Variants in TUSC3 observed in about 807,000 individuals in gnomAD.
TUSC3 encodes tumor suppressor candidate 3.
Under a neutral mutation model 44.8 loss-of-function variants are expected in TUSC3, and 45 were observed. The ratio of observed to expected loss-of-function variants is 1.00; its 90% confidence interval spans 0.79 to 1.29. The LOEUF is 1.29. TUSC3 is among the 50% of genes most tolerant of loss of function. The pLI is 0.00. For synonymous variants in TUSC3, 212 were observed against 152.9 expected (o/e 1.39, Z -2.85); for missense variants, 519 against 437.9 (o/e 1.19, Z -1.65).
chr8:15,679,802 G>A (rs1808340048), intron 6 of TUSC3, among the ~76,000 whole-genome samples: 1 of 151,988 alleles, frequency 6.6e-6, no homozygotes, highest in South Asian at 2.1e-4. Flanking sequence ...TCATTCTTTT[G>A]CATATGGCTA....
At chr8:15,587,881 C>T (rs1387867073) in intron 1 of TUSC3, among the ~76,000 whole-genome samples, 1 of 152,090 alleles carries the variant, frequency 6.6e-6, no homozygotes, top group African/African-American at 2.4e-5. Flanking sequence ...ATCCATATTG[C>T]TTCTAATGAC....
chr8:15,517,404 C>A (rs1801232318), intron 2 of TUSC3, among the ~76,000 whole-genome samples: 2 of 151,628 alleles, frequency 1.3e-5, no homozygotes, highest in South Asian at 4.2e-4. Flanking sequence ...CACAGACTTA[C>A]AAAGTCAGAC....
intron 2 of TUSC3, among the ~76,000 whole-genome samples, chr8:15,635,729 C>T (rs560117899): frequency 1.2e-4 from 18 of 152,210 alleles, no homozygotes; most frequent in Admixed American, 2.0e-4. Context: ...TGCTGCCCTG[C>T]AAGGTAAACA....
chr8:15,487,749 A>G (rs1307517809), intron 2 of TUSC3, among the ~76,000 whole-genome samples: 4 of 152,202 alleles, frequency 2.6e-5, no homozygotes, highest in African/African-American at 9.6e-5. Flanking sequence ...CAATTAGCCT[A>G]TTATTTTTCT....
At chr8:15,769,692 C>T (rs1283854830), downstream of TUSC3, among the ~76,000 whole-genome samples, 4 of 152,124 alleles carry the variant, frequency 2.6e-5, no homozygotes, top group Admixed American at 2.0e-4. Flanking sequence ...TGACAAAGGG[C>T]TAATAATCCA....
intron 1 of TUSC3, among the ~76,000 whole-genome samples, chr8:15,470,147 T>C (rs1476875494): frequency 6.6e-6 from 1 of 150,876 alleles, no homozygotes; most frequent in Non-Finnish European, 1.5e-5. Context: ...TGGTAGTGCG[T>C]GCCTGTAGTC....
At chr8:15,545,035 G>A (rs1321133211) in intron 1 of TUSC3, among the ~76,000 whole-genome samples, 2 of 151,746 alleles carry the variant, frequency 1.3e-5, no homozygotes, top group Non-Finnish European at 2.9e-5. Flanking sequence ...TACGTATTAT[G>A]TGTTACACAC....
At chr8:15,460,486 T>C (rs1348746956) in intron 1 of TUSC3, among the ~76,000 whole-genome samples, 7 of 152,214 alleles carry the variant, frequency 4.6e-5, no homozygotes, top group Admixed American at 4.6e-4. Flanking sequence ...CTGTGGGTTG[T>C]CTGTCTACTC....
intron 1 of TUSC3, among the ~76,000 whole-genome samples, chr8:15,422,422 C>T (rs953440500): frequency 1.2e-4 from 18 of 152,072 alleles, no homozygotes; most frequent in South Asian, 8.3e-4. Context: ...GAATGGGGAC[C>T]GGCAGAGTAG....
chr8:15,776,881 G>T, the TUSC3 span, among the ~76,000 whole-genome samples: 7 of 151,986 alleles, frequency 4.6e-5, no homozygotes, highest in African/African-American at 1.4e-4. Context: ...TAACATGATG[G>T]GCAAAAAACT....
chr8:15,633,705 G>T lies in TUSC3; in HGVS notation c.308+10456G>T, dbSNP rs564272141. 1.1e-4 allele frequency among the ~76,000 whole-genome samples: 17 copies of T among 152,292 alleles called. No homozygotes were observed. The East Asian group carries it at 2.7e-3, about 24-fold the overall frequency. On this transcript the variant is annotated intron_variant, in intron 2 of 10. Coordinates refer to ENST00000503731, the MANE Select transcript of TUSC3 (RefSeq NM_006765.4). ...TGGAAGCCAGGGAATGTCAGGTATTGACAGCCATCATCAGAAGCTAGGAAG... is the reference window on the plus strand; with the variant it reads ...TGGAAGCCAGGGAATGTCAGGTATTTACAGCCATCATCAGAAGCTAGGAAG...
At chr8:15,684,654 G>A (rs1431531347) in intron 6 of TUSC3, among the ~76,000 whole-genome samples, 2 of 152,168 alleles carry the variant, frequency 1.3e-5, no homozygotes, top group African/African-American at 4.8e-5. Context: ...TCTGATGTCA[G>A]CACATGAGCC....
chr8:15,542,471 T>C (rs1457962613), intron 1 of TUSC3, among the ~76,000 whole-genome samples: 1 of 152,000 alleles, frequency 6.6e-6, no homozygotes, highest in Non-Finnish European at 1.5e-5. Flanking sequence ...TTTTTCAGGT[T>C]AGCTTTGGGA....
chr8:15,845,726 A>G, the TUSC3 span, among the ~76,000 whole-genome samples: 1 of 152,118 alleles, frequency 6.6e-6, no homozygotes, highest in Non-Finnish European at 1.5e-5. Context: ...AGTGAACACA[A>G]TAGCCACAAG....
chr8:15,828,599 C>A, the TUSC3 span, among the ~76,000 whole-genome samples: 2 of 152,170 alleles, frequency 1.3e-5, no homozygotes, highest in Non-Finnish European at 2.9e-5. Context: ...CAAAGGCATG[C>A]ATCTATTGCT....
chr8:15,664,967 G>A (rs915466378), intron 5 of TUSC3, among the ~76,000 whole-genome samples: 3 of 151,168 alleles, frequency 2.0e-5, no homozygotes, highest in African/African-American at 7.3e-5. Context: ...AACTGAATTT[G>A]TTCATATGTA....
chr8:15,711,039 T>C (rs1194240726), intron 6 of TUSC3, among the ~76,000 whole-genome samples: 1 of 151,618 alleles, frequency 6.6e-6, no homozygotes, highest in Non-Finnish European at 1.5e-5. Flanking sequence ...TAAGAACTTC[T>C]CATCTAAATT....
intron 1 of TUSC3, among the ~76,000 whole-genome samples, chr8:15,583,964 A>G (rs767975331): frequency 6.6e-6 from 1 of 152,228 alleles, no homozygotes; most frequent in Non-Finnish European, 1.5e-5. Context: ...ATTAAATCTC[A>G]TGATAGATAG....
chr8:15,491,226 C>A (rs76600078), intron 2 of TUSC3, among the ~76,000 whole-genome samples: 2,419 of 152,236 alleles, frequency 0.016, 86 homozygotes, highest in African/African-American at 0.056. Flanking sequence ...TTGTCCCGTA[C>A]CTATGAGGAT....
Sources: gnomAD v4.1 joint callset for allele counts (sites outside exome capture counted in the v4.1 genomes callset) on GRCh38, gnomAD v4.1.1 for gene constraint, MANE v1.5 for transcripts, NCBI Gene and HGNC (gene_info 2026-07-23, HGNC 2026-07-21) for gene names.